TMEM135: variants seen among roughly 807,000 people sequenced by gnomAD.
The protein encoded by TMEM135 is transmembrane protein 135, also known as peroxisomal membrane protein 52.
Under a neutral mutation model 60.3 loss-of-function variants are expected in TMEM135, and 30 were observed. The ratio of observed to expected loss-of-function variants is 0.50; its 90% CI spans 0.37 to 0.68. The LOEUF (loss-of-function observed/expected upper bound fraction) is 0.68. TMEM135 is among the 30% of genes least tolerant of loss of function. The pLI, the probability that TMEM135 is intolerant of heterozygous loss-of-function variation, is 0.00. For missense variants in TMEM135, 468 were observed against 548.8 expected (o/e 0.85, Z 1.47); for synonymous variants, 190 against 186.7 (o/e 1.02, Z -0.14).
intron 5 of TMEM135, among the ~76,000 whole-genome samples, chr11:87,233,123 C>T (rs147460810): frequency 2.0e-5 from 3 of 152,160 alleles, no homozygotes; most frequent in African/African-American, 7.2e-5. Context: ...TGCACTTTAG[C>T]CTGGTGACAG....
chr11:87,220,875 G>T (rs1940604038), intron 5 of TMEM135, among the ~76,000 whole-genome samples: 1 of 152,018 alleles, frequency 6.6e-6, no homozygotes, highest in Non-Finnish European at 1.5e-5. Flanking sequence ...CATTTTCAAG[G>T]TAGTTCGTTG....
intron 4 of TMEM135, among the ~76,000 whole-genome samples, chr11:87,111,617 C>T (rs910916783): frequency 1.4e-5 from 2 of 145,422 alleles, no homozygotes; most frequent in East Asian, 2.0e-4. Flanking sequence ...CACCACTGCA[C>T]TCCAGCCTGG....
intron 5 of TMEM135, among the ~76,000 whole-genome samples, chr11:87,235,926 A>G (rs1591125645): frequency 6.6e-6 from 1 of 151,968 alleles, no homozygotes; most frequent in Non-Finnish European, 1.5e-5. Flanking sequence ...TCCACAAAGG[A>G]ATATTGTATT....
intron 6 of TMEM135, among the ~76,000 whole-genome samples, chr11:87,258,589 G>C (rs1463907107): frequency 6.6e-6 from 1 of 152,180 alleles, no homozygotes; most frequent in Non-Finnish European, 1.5e-5. Flanking sequence ...TTTGTGAAAA[G>C]AGTGTGTGGC....
intron 6 of TMEM135, among the ~76,000 whole-genome samples, chr11:87,284,980 CACACT>C (rs1370221593): frequency 3.3e-5 from 5 of 152,182 alleles, no homozygotes; most frequent in Non-Finnish European, 7.4e-5. Context: ...CTATTAACCA[CACACT>C]ACAAGTTTTG....
rs141357739 is a variant in TMEM135 at position 87,038,123 on chromosome 11, C to G, written c.78C>G (p.Ser26=). Residue 26 remains serine, a synonymous_variant, in exon 1 of 15, where the codon TCC becomes TCG. Transcript: ENST00000305494. ...GHTWHPSCRV[S]FLQITGGALE... is the part of the protein sequence containing the mutation. ...CTTGGCACCCTTCCTGCCGGGTCTC[C>G]TTCCTGCAGATCACCGGGGGCGCCC... is the stretch of plus-strand genomic sequence containing the variant. 1 of 1,614,188 alleles carries G rather than the reference C, an allele frequency of 6.2e-7. No homozygotes were observed. Among genetic ancestry groups the G allele is most frequent in the Non-Finnish European group, 8.5e-7 (1 of 1,180,036 alleles).
intron 5 of TMEM135, among the ~76,000 whole-genome samples, chr11:87,184,641 T>G (rs1285333455): frequency 6.6e-6 from 1 of 152,130 alleles, no homozygotes; most frequent in Non-Finnish European, 1.5e-5. Flanking sequence ...CCTCTTTTTT[T>G]CCCTTAAATA....
At chr11:87,046,499 A>G (rs1364295094) in intron 1 of TMEM135, among the ~76,000 whole-genome samples, 1 of 152,256 alleles carries the variant, frequency 6.6e-6, no homozygotes, top group African/African-American at 2.4e-5. Context: ...TTATTAGGAT[A>G]TGTAGAAGTT....
chr11:87,153,255 C>T (rs754315671), intron 4 of TMEM135, among the ~76,000 whole-genome samples: 2 of 152,134 alleles, frequency 1.3e-5, no homozygotes, highest in African/African-American at 2.4e-5. Context: ...CACTCTCAAC[C>T]ATCTCATGAA....
chr11:87,135,017 A>T (rs1938050478), intron 4 of TMEM135, among the ~76,000 whole-genome samples: 1 of 152,220 alleles, frequency 6.6e-6, no homozygotes, highest in African/African-American at 2.4e-5. Flanking sequence ...TTATGTGATT[A>T]TTAAGTATCA....
intron 5 of TMEM135, among the ~76,000 whole-genome samples, chr11:87,224,428 T>C (rs1940721560): frequency 6.6e-6 from 1 of 152,238 alleles, no homozygotes; most frequent in African/African-American, 2.4e-5. Flanking sequence ...AATTGCCATA[T>C]TGGTATGTGC....
intron 3 of TMEM135, 58 bp downstream of exon 3, chr11:87,071,673 A>G: frequency 7.6e-7 from 1 of 1,316,442 alleles, no homozygotes; most frequent in Non-Finnish European, 1.0e-6. Flanking sequence ...CCCCAACTAT[A>G]ATTTTTTTTT....
intron 4 of TMEM135, chr11:87,096,696 T>TAATAATTATATTATATTATATAA (rs1857338601): frequency 6.6e-6 from 1 of 152,218 alleles, no homozygotes; most frequent in South Asian, 2.1e-4. Context: ...GTTGCATTTA[T>TAATAATTATATTATATTATATAA]AATAATTATA....
At position 87,057,795 on chromosome 11, in the gene TMEM135, C is replaced by CTG. The variant is rs35519502; in HGVS notation, c.142-9879_142-9878dup. Among the ~76,000 whole-genome samples, 738 of 75,720 alleles carry CTG rather than the reference C, an allele frequency of 9.7e-3. 3 individuals are homozygous for CTG. The highest frequency in any genetic ancestry group is 0.016 in the Admixed American group (93 of 5,884). 49.7% of individuals were successfully genotyped at this position (75,720 alleles called of 152,430 possible). A position where few individuals can be genotyped will look rare whatever the true frequency, so the allele number is the denominator to read the frequency against. ...GAGTTCTTCAAAGAAACAGAAGCCT[C>CTG]TGTGTGTGTGTGTGTGTGTGTTTGT... is the stretch of plus-strand genomic sequence containing the variant. On this transcript the variant is annotated intron_variant, in intron 1 of 14. Transcript: ENST00000305494.
intron 6 of TMEM135, among the ~76,000 whole-genome samples, chr11:87,285,079 AAAT>A (rs1469614576): frequency 2.6e-5 from 4 of 152,356 alleles, no homozygotes; most frequent in African/African-American, 4.8e-5. Flanking sequence ...AACAAAACAA[AAAT>A]AAAAGTCTGA....
At chr11:87,238,570 C>T (rs1941058589) in intron 6 of TMEM135, among the ~76,000 whole-genome samples, 1 of 152,032 alleles carries the variant, frequency 6.6e-6, no homozygotes. Context: ...ACTGTATCTG[C>T]ATATGCAATA....
chr11:87,163,677 C>T (rs1168959017), intron 5 of TMEM135, among the ~76,000 whole-genome samples: 1 of 150,918 alleles, frequency 6.6e-6, no homozygotes, highest in Admixed American at 6.6e-5. Context: ...GTTCCTATTT[C>T]TCCACATCCT....
intron 5 of TMEM135, among the ~76,000 whole-genome samples, chr11:87,169,935 A>G (rs1939185111): frequency 6.6e-6 from 1 of 151,958 alleles, no homozygotes; most frequent in African/African-American, 2.4e-5. Context: ...TTTCAGGTAC[A>G]CCAATCAAAC....
At position 87,322,692 on chromosome 11, in the gene TMEM135, A is replaced by C. The variant is rs1942843211; in HGVS notation, c.*1359A>C. ...AGGAATTATAACCCATACTTTAAAA[A>C]TGCTTAATCCCTCATATTCAATTTC... On this transcript the variant is annotated 3_prime_UTR_variant, in exon 15 of 15. Transcript: ENST00000305494. 1 of 453,934 alleles carries C rather than the reference A, an allele frequency of 2.2e-6. No homozygotes were observed. The highest frequency in any genetic ancestry group is 4.4e-6 in the Non-Finnish European group (1 of 226,738). The allele number at this position is 453,934 out of a possible 1,614,324, so 28.1% of individuals were successfully genotyped here.
Sources: gnomAD v4.1 joint callset for allele counts (sites outside exome capture counted in the v4.1 genomes callset) on GRCh38, gnomAD v4.1.1 for gene constraint, MANE v1.5 for transcripts, NCBI Gene and HGNC (gene_info 2026-07-23, HGNC 2026-07-21) for gene names.